The following DLGAP1 variants were observed in gnomAD, a reference collection of about 807,000 sequenced individuals.
DLGAP1 encodes disks large-associated protein 1.
A neutral mutation model predicts 90.8 loss-of-function variants in DLGAP1; 11 were observed. The observed-to-expected ratio is 0.12, with a 90% CI of 0.08 to 0.20. DLGAP1 has a LOEUF of 0.20. DLGAP1 is among the 10% of genes least tolerant of loss of function. The probability of loss-of-function intolerance (pLI) is 1.00; values close to 1 mark genes in which losing one functional copy is unlikely to be tolerated. For synonymous variants in DLGAP1, 558 were observed against 540.7 expected (o/e 1.03, Z -0.44); for missense variants, 1,050 against 1,333.8 (o/e 0.79, Z 3.31).
rs2075303064 is a variant in DLGAP1, at chr18:4,061,864, G to A, written c.-158-56663C>T. ...TTTTTGTCATCCACAGACAGTTTTTGTCTTGTTTTAATCCTCTTGAAAAGA... is the reference window on the plus strand; with the variant it reads ...TTTTTGTCATCCACAGACAGTTTTTATCTTGTTTTAATCCTCTTGAAAAGA... On this transcript the variant is annotated intron_variant, in intron 2 of 12. Coordinates refer to ENST00000315677, the MANE Select transcript of DLGAP1 (RefSeq NM_004746.4). 2.6e-5 allele frequency among the ~76,000 whole-genome samples: 4 copies of A among 152,004 alleles called. No homozygotes were observed. The South Asian group carries it at 8.3e-4, about 31-fold the overall frequency.
At chr18:3,841,933 C>T in intron 4 of DLGAP1, among the ~76,000 whole-genome samples, 1 of 152,034 alleles carries the variant, frequency 6.6e-6, no homozygotes, top group East Asian at 1.9e-4. Context: ...AGAAAACAGG[C>T]AATCCTACCT....
At chr18:4,162,603 G>C (rs192056577) in intron 1 of DLGAP1, among the ~76,000 whole-genome samples, 306 of 152,170 alleles carry the variant, frequency 2.0e-3, no homozygotes, top group Non-Finnish European at 3.3e-3. Flanking sequence ...CTTTGAAAAG[G>C]TTCTATACCT....
At chr18:4,235,773 T>G (rs899710889) in intron 1 of DLGAP1, among the ~76,000 whole-genome samples, 52 of 138,836 alleles carry the variant, frequency 3.7e-4, no homozygotes, top group African/African-American at 1.4e-3. Flanking sequence ...TTGCCCATGC[T>G]GGAGTGCAGT....
chr18:3,678,240 G>A (rs2060383598), intron 7 of DLGAP1, among the ~76,000 whole-genome samples: 1 of 152,184 alleles, frequency 6.6e-6, no homozygotes, highest in Admixed American at 6.5e-5. Context: ...GGGATTACAG[G>A]CGTGTGCCAG....
intron 1 of DLGAP1, among the ~76,000 whole-genome samples, chr18:4,396,885 G>A (rs186042973): frequency 1.3e-4 from 20 of 152,280 alleles, no homozygotes; most frequent in Non-Finnish European, 8.8e-5. Context: ...GCACAAATTT[G>A]CTCTCTAAGC....
rs938557859 is a variant in DLGAP1 at position 3,628,474 on chromosome 18, C to A, written c.1592-46226G>T. Among the ~76,000 whole-genome samples the A allele has an allele frequency of 5.3e-5, 8 of 152,150 alleles. 1 individual carries two copies. The highest frequency in any genetic ancestry group is 1.2e-4 in the Non-Finnish European group (8 of 68,028). ...GAGTGCTGGGATTACAGGCATGAGC[C>A]AGTGTGCCCAGCCTATTCTTAAAGA... On this transcript the variant is annotated intron_variant, in intron 7 of 12. Transcript: ENST00000315677.
intron 8 of DLGAP1, among the ~76,000 whole-genome samples, chr18:3,568,888 G>C (rs987670760): frequency 1.3e-5 from 2 of 151,528 alleles, no homozygotes; most frequent in South Asian, 2.1e-4. Flanking sequence ...GGGTTTCACT[G>C]TGTTAGCCAG....
chr18:3,881,131 C>CT (rs11336449), intron 3 of DLGAP1, among the ~76,000 whole-genome samples: 1 of 149,180 alleles, frequency 6.7e-6, no homozygotes, highest in Non-Finnish European at 1.5e-5. Context: ...TTTTCTTTTT[C>CT]TTTTTTTTGT....
intron 7 of DLGAP1, among the ~76,000 whole-genome samples, chr18:3,595,772 G>C (rs1033202111): frequency 6.9e-6 from 1 of 145,296 alleles, no homozygotes; most frequent in Non-Finnish European, 1.5e-5. Context: ...GTGCAATCAA[G>C]TCATCCGTGT....
chr18:3,610,049 ACT>A (rs975088124), intron 7 of DLGAP1, among the ~76,000 whole-genome samples: 9 of 132,074 alleles, frequency 6.8e-5, no homozygotes, highest in East Asian at 2.2e-4. Context: ...CAAGAGCAAA[ACT>A]CTGTCTCAAA....
chr18:4,155,316 A>G (rs1475529865), intron 1 of DLGAP1, among the ~76,000 whole-genome samples: 7 of 152,180 alleles, frequency 4.6e-5, no homozygotes, highest in Non-Finnish European at 7.3e-5. Context: ...GGAACTGATG[A>G]AAATAAGTCG....
chr18:4,031,606 C>T (rs2074797627), intron 2 of DLGAP1, among the ~76,000 whole-genome samples: 1 of 152,152 alleles, frequency 6.6e-6, no homozygotes, highest in African/African-American at 2.4e-5. Flanking sequence ...ACAGGGGTGG[C>T]TGGGTAGTTT....
intron 2 of DLGAP1, among the ~76,000 whole-genome samples, chr18:4,117,772 C>T (rs930606913): frequency 7.2e-5 from 11 of 152,148 alleles, no homozygotes; most frequent in Admixed American, 1.3e-4. Flanking sequence ...TTTCAGGCTG[C>T]CAGGGATCAG....
Position 3,534,421 on chromosome 18 carries a change from C to A in DLGAP1, c.2252G>T (p.Cys751Phe), listed in dbSNP as rs988029657. 1.3e-5 allele frequency: 21 copies of A among 1,614,064 alleles called. No homozygotes were observed. In the Admixed American group the frequency reaches 2.5e-4, roughly 19 times the overall value. ...CGTGTCAAAGTCATCATCGGCGGCA[C>A]AGGCATGGTAATGGTTTCCTGAGCC... The part of the protein sequence containing the change: ...IQGSGNHYHA[C>F]AADDDFDTDF... Residue 751 changes from cysteine to phenylalanine, a missense_variant, in exon 10 of 13, where the codon TGT (cysteine) becomes TTT (phenylalanine). Physicochemically the swap from Cys to Phe is radical, Grantham distance 205 (BLOSUM62 -2). Transcript: ENST00000315677.
intron 3 of DLGAP1, among the ~76,000 whole-genome samples, chr18:3,905,434 T>C (rs1012561902): frequency 2.8e-5 from 3 of 106,552 alleles, no homozygotes; most frequent in Non-Finnish European, 4.1e-5. Flanking sequence ...CCAAAAAAAG[T>C]ATAAAGAGAA....
chr18:3,792,026 C>G (rs1244308577), intron 5 of DLGAP1, among the ~76,000 whole-genome samples: 1 of 152,212 alleles, frequency 6.6e-6, no homozygotes, highest in Non-Finnish European at 1.5e-5. Context: ...CCCCACCCCA[C>G]TATAGCTGGC....
At chr18:3,624,245 G>A (rs1294299090) in intron 7 of DLGAP1, among the ~76,000 whole-genome samples, 1 of 152,206 alleles carries the variant, frequency 6.6e-6, no homozygotes, top group Admixed American at 6.5e-5. Context: ...TGAACCGTCT[G>A]TTTGTGCGCA....
intron 2 of DLGAP1, among the ~76,000 whole-genome samples, chr18:4,090,727 C>T (rs545229444): frequency 1.5e-4 from 23 of 152,252 alleles, no homozygotes; most frequent in South Asian, 1.0e-3. Flanking sequence ...TCTGACCCAG[C>T]AATCCCATCA....
At chr18:4,072,244 A>C (rs1042394980) in intron 2 of DLGAP1, among the ~76,000 whole-genome samples, 1 of 152,176 alleles carries the variant, frequency 6.6e-6, no homozygotes, top group Non-Finnish European at 1.5e-5. Flanking sequence ...GGGCACAAAA[A>C]AAGACCTTCG....
Sources: allele counts gnomAD v4.1 joint callset (sites outside exome capture counted in the v4.1 genomes callset), GRCh38; gene constraint gnomAD v4.1.1; transcripts MANE v1.5; gene names NCBI Gene and HGNC (gene_info 2026-07-23, HGNC 2026-07-21).